Variants in IL1A observed in about 807,000 individuals in gnomAD.
The protein encoded by IL1A is interleukin-1 alpha.
Under a neutral mutation model 22.2 loss-of-function variants are expected in IL1A, and 16 were observed. That is an observed-to-expected ratio of 0.72 (90% CI 0.49 to 1.09). The LOEUF (loss-of-function observed/expected upper bound fraction) is 1.09. Among genes scored for constraint, IL1A ranks in the 50% least tolerant of loss-of-function variants. IL1A has a pLI of 0.00. For synonymous variants in IL1A, 113 were observed against 118.5 expected (o/e 0.95, Z 0.30); for missense variants, 317 against 321.8 (o/e 0.99, Z 0.11).
At chr2:112,778,559 T>C (rs1233415273) in intron 5 of IL1A, among the ~76,000 whole-genome samples, 1 of 152,220 alleles carries the variant, frequency 6.6e-6, no homozygotes, top group African/African-American at 2.4e-5. Flanking sequence ...TAATGTTTAA[T>C]AAGAGCTGTC....
chr2:112,781,781 T>C lies in IL1A; in HGVS notation c.142A>G (p.Met48Val), dbSNP rs369264124. The part of the protein sequence containing the change: ...VSYGPLHEGC[M>V]DQSVSLSISE... ...ATACTCAGAGACACAGATTGATCCA[T>C]GCAGCCTTCATGGAGTGGGCCATAG... is the stretch of plus-strand genomic sequence containing the variant. The change falls in exon 4 of 7, where the codon ATG (methionine) becomes GTG (valine). Residue 48 changes from methionine to valine, a missense_variant. By Grantham distance (21) the Met-to-Val change is conservative. Coordinates refer to ENST00000263339, the MANE Select transcript of IL1A (RefSeq NM_000575.5). 777 of 1,614,168 alleles carry C rather than the reference T, an allele frequency of 4.8e-4. 11 individuals are homozygous for C. In the South Asian group the frequency reaches 7.4e-3, roughly 15 times the overall value.
At chr2:112,782,110 A>G (rs1029406734) in intron 3 of IL1A, among the ~76,000 whole-genome samples, 6 of 152,248 alleles carry the variant, frequency 3.9e-5, no homozygotes, top group Non-Finnish European at 8.8e-5. Context: ...AGTGAGTGGT[A>G]GCTTTCCAAT....
intron 4 of IL1A, among the ~76,000 whole-genome samples, chr2:112,780,892 T>C (rs572005641): frequency 2.0e-3 from 297 of 150,970 alleles, no homozygotes; most frequent in Non-Finnish European, 3.3e-3. Context: ...CAGTGGCGGG[T>C]GCCTGTATTC....
rs1023215957 is a variant in IL1A at position 112,779,546 on chromosome 2, G to T, written c.440C>A (p.Ala147Asp). ...AGCAGCCGTGAGGTACTGATCATTG[G>T]CTCGAATTATACTTTGATTGAGGGC... The part of the protein sequence containing the change: ...NDALNQSIIR[A>D]NDQYLTAAAL... Residue 147 changes from alanine (A) to aspartate (D), a missense_variant, in exon 5 of 7, where the codon GCC (alanine) becomes GAC (aspartate). By Grantham distance (126) the Ala-to-Asp change is moderately radical. Coordinates refer to ENST00000263339, the MANE Select transcript of IL1A (RefSeq NM_000575.5). 1.2e-6 allele frequency: 2 copies of T among 1,609,142 alleles called. No homozygotes were observed. Among genetic ancestry groups the T allele is most frequent in the East Asian group, 4.5e-5 (2 of 44,822 alleles).
rs753837675 is a variant in IL1A, at chr2:112,778,129, C to G, written c.491-18G>C. ...AAATTTCACTGGTGAAGAGAAGAAC[C>G]AAAAAGAAAGTAAATTCATTGTATT... On this transcript the variant is annotated intron_variant, in intron 5 of 6. Coordinates refer to ENST00000263339, the MANE Select transcript of IL1A (RefSeq NM_000575.5). 1.9e-6 allele frequency: 3 copies of G among 1,600,338 alleles called. No individual in the cohort carries two copies. The highest frequency in any genetic ancestry group is 1.7e-4 in the Middle Eastern group (1 of 6,016).
At chr2:112,781,209 A>G (rs1321525677) in intron 4 of IL1A, among the ~76,000 whole-genome samples, 7 of 152,048 alleles carry the variant, frequency 4.6e-5, no homozygotes, top group Admixed American at 4.6e-4. Context: ...ACAGCAGTCC[A>G]ATGAGTGGGG....
At chr2:112,777,851 G>T (rs1681125311) in intron 6 of IL1A, 136 bp downstream of exon 6, 1 of 793,150 alleles carries the variant, frequency 1.3e-6, no homozygotes, top group Non-Finnish European at 2.0e-6. Flanking sequence ...ATCAATGGGA[G>T]TGGGGTGGGC....
chr2:112,777,215 A>ACTG (rs575056478), intron 6 of IL1A, among the ~76,000 whole-genome samples: 74 of 151,790 alleles, frequency 4.9e-4, no homozygotes, highest in African/African-American at 1.8e-3. Context: ...TTGATGCACC[A>ACTG]CTGTCCACAC....
chr2:112,777,954 A>G (rs1681127149), intron 6 of IL1A, 33 bp downstream of exon 6: 1 of 1,612,242 alleles, frequency 6.2e-7, no homozygotes, highest in South Asian at 1.1e-5. Flanking sequence ...TGAGATGTAA[A>G]TGAAGGTAAG....
Position 112,779,428 on chromosome 2 carries a change from GAAAT to G in IL1A, c.490+64_490+67del, listed in dbSNP as rs1681156609. The G allele has an allele frequency of 1.6e-5, 21 of 1,301,474 alleles. No homozygotes were observed. The South Asian group carries it at 2.0e-4, about 12-fold the overall frequency. The allele number at this position is 1,301,474 out of a possible 1,614,324, so 80.6% of individuals were successfully genotyped here. On this transcript the variant is annotated intron_variant, in intron 5 of 6. Coordinates refer to ENST00000263339, the MANE Select transcript of IL1A (RefSeq NM_000575.5). ...TATGTTTTTTGCAAGCAGAAAGATT[GAAAT>G]AAATAAATAAGTAAATGAAAGGAGG... is the stretch of plus-strand genomic sequence containing the variant.
Position 112,775,269 on chromosome 2 carries a change from T to C in IL1A, c.616-2A>G, listed in dbSNP as rs1480125994. The C allele has an allele frequency of 6.2e-7, 1 of 1,610,968 alleles. No homozygotes were observed. Among genetic ancestry groups the C allele is most frequent in the South Asian group, 1.1e-5 (1 of 91,028 alleles). ...GGTTTTGGGTATCTCAGGCATCTCC[T>C]ATGAAGAAAAGAAGAGAATTCTGTT... On this transcript the variant is annotated splice_acceptor_variant, in intron 6 of 6. Transcript: ENST00000263339. LOFTEE classifies it high-confidence loss of function.
intron 1 of IL1A, 93 bp from the exon 2 acceptor site, chr2:112,783,871 C>G: frequency 9.0e-7 from 1 of 1,115,134 alleles, no homozygotes; most frequent in South Asian, 1.2e-5. Context: ...TTCCTGAAAA[C>G]TTTGTTGAAT....
At chr2:112,783,045 G>T (rs1417189983) in intron 2 of IL1A, among the ~76,000 whole-genome samples, 1 of 152,246 alleles carries the variant, frequency 6.6e-6, no homozygotes, top group Non-Finnish European at 1.5e-5. Context: ...TTGAAGTTCA[G>T]GGAAGAATGT....
chr2:112,782,628 G>T (rs1609682), intron 3 of IL1A, 88 bp downstream of exon 3: 649,320 of 961,772 alleles, frequency 0.68, 225,056 homozygotes, highest in African/African-American at 0.79. Context: ...CAAAAGTATT[G>T]AAGATTCAAG....
rs371621901 is a variant in IL1A, at chr2:112,781,768, A to C, written c.155T>G (p.Val52Gly). 1 of 1,614,094 alleles carries C rather than the reference A, an allele frequency of 6.2e-7. No homozygotes were observed. Among genetic ancestry groups the C allele is most frequent in the African/African-American group, 1.3e-5 (1 of 74,946 alleles). The change falls in exon 4 of 7, where the codon GTG becomes GGG. Residue 52 changes from valine (V) to glycine (G), a missense_variant. Coordinates refer to ENST00000263339, the MANE Select transcript of IL1A (RefSeq NM_000575.5). ...AGAGGTTTCAGAGATACTCAGAGAC[A>C]CAGATTGATCCATGCAGCCTTCATG... ...PLHEGCMDQS[V>G]SLSISETSKT...
chr2:112,778,240 G>T (rs906929379), intron 5 of IL1A, 129 bp from the exon 6 acceptor site: 12 of 706,504 alleles, frequency 1.7e-5, no homozygotes, highest in African/African-American at 1.7e-4. Context: ...GTGTAGTTAG[G>T]TCCCCACCTA....
chr2:112,781,569 G>A (rs1197292413), intron 4 of IL1A, 35 bp downstream of exon 4: 1 of 1,538,370 alleles, frequency 6.5e-7, no homozygotes. Context: ...GCTTAAAACT[G>A]TAAAAGAAAG....
chr2:112,783,718 C>T lies in IL1A; in HGVS notation c.47+6G>A. 1 of 1,610,986 alleles carries T rather than the reference C, an allele frequency of 6.2e-7. No homozygotes were observed. Among genetic ancestry groups the T allele is most frequent in the African/African-American group, 1.3e-5 (1 of 74,982 alleles). On this transcript the variant is annotated splice_donor_region_variant and intron_variant, in intron 2 of 6. Transcript: ENST00000263339. ...TAAATCACAAGAGATAAATCTTATT[C>T]CTTACCTGTAACAGTTCTTCAGGTC...
At position 112,783,712 on chromosome 2, in the gene IL1A, C is replaced by T. The variant is rs763383903; in HGVS notation, c.47+12G>A. The T allele has an allele frequency of 6.2e-7, 1 of 1,610,638 alleles. No homozygotes were observed. Among genetic ancestry groups the T allele is most frequent in the Non-Finnish European group, 8.5e-7 (1 of 1,176,794 alleles). ...CCTCATTAAATCACAAGAGATAAAT[C>T]TTATTCCTTACCTGTAACAGTTCTT... On this transcript the variant is annotated intron_variant, in intron 2 of 6. Transcript: ENST00000263339.
Sources: allele counts gnomAD v4.1 joint callset (sites outside exome capture counted in the v4.1 genomes callset), GRCh38; gene constraint gnomAD v4.1.1; transcripts MANE v1.5; gene names NCBI Gene and HGNC (gene_info 2026-07-23, HGNC 2026-07-21).